The following IL1RAPL2 variants were observed in gnomAD, a reference collection of about 807,000 sequenced individuals.
IL1RAPL2 encodes the protein X-linked interleukin-1 receptor accessory protein-like 2.
A neutral mutation model predicts 44.1 loss-of-function variants in IL1RAPL2; 3 were observed. The observed-to-expected ratio is 0.07, with a 90% CI of 0.03 to 0.18. The LOEUF (loss-of-function observed/expected upper bound fraction) is 0.18, where lower values mean the gene tolerates loss of function less well. Ranked by LOEUF, IL1RAPL2 falls within the 10% of genes least tolerant of loss-of-function variation. The probability of loss-of-function intolerance (pLI) is 1.00; values close to 1 mark genes in which losing one functional copy is unlikely to be tolerated. For missense variants in IL1RAPL2, 391 were observed against 496.4 expected (o/e 0.79, Z 2.02); for synonymous variants, 181 against 178.8 (o/e 1.01, Z -0.10).
intron 2 of IL1RAPL2, among the ~76,000 whole-genome samples, chrX:104,759,970 CT>C (rs1932400239): frequency 1.8e-5 from 2 of 111,917 alleles, no homozygotes; most frequent in African/African-American, 6.5e-5. Context: ...TTCCTTGCTT[CT>C]GGTAACCACC....
chrX:105,182,531 C>T (rs782703865), intron 2 of IL1RAPL2, among the ~76,000 whole-genome samples: 3 of 107,838 alleles, frequency 2.8e-5, no homozygotes, highest in Non-Finnish European at 5.7e-5. Context: ...ATATGTGAAG[C>T]GAGTTTCTTG....
At chrX:104,783,639 T>A (rs1329501845) in intron 2 of IL1RAPL2, among the ~76,000 whole-genome samples, 1 of 109,841 alleles carries the variant, frequency 9.1e-6, no homozygotes, top group Non-Finnish European at 1.9e-5. Flanking sequence ...AATCTGTTTT[T>A]ATTGCTCAAA....
chrX:105,207,151 A>G (rs1468500541), intron 3 of IL1RAPL2, among the ~76,000 whole-genome samples: 2 of 111,338 alleles, frequency 1.8e-5, no homozygotes, highest in Non-Finnish European at 3.8e-5. Context: ...GATGTTTTTC[A>G]GCCAATATCC....
chrX:105,229,797 T>G lies in IL1RAPL2; in HGVS notation c.357-4021T>G, dbSNP rs899541775. Reference sequence around the variant, plus strand: ...CTCCCAGAAGTAAATTTTTTGTTTGTTTGTTTGTTTGTTTTTTTGAGACAG... The same window carrying G: ...CTCCCAGAAGTAAATTTTTTGTTTGGTTGTTTGTTTGTTTTTTTGAGACAG... On this transcript the variant is annotated intron_variant, in intron 3 of 10. Coordinates refer to ENST00000372582, the MANE Select transcript of IL1RAPL2 (RefSeq NM_017416.2). Among the ~76,000 whole-genome samples the G allele has an allele frequency of 3.6e-5, 4 of 110,958 alleles. No homozygotes were observed. In the East Asian group the frequency reaches 1.1e-3, roughly 32 times the overall value.
intron 5 of IL1RAPL2, among the ~76,000 whole-genome samples, chrX:105,470,047 A>T (rs987307836): frequency 1.8e-5 from 2 of 111,431 alleles, no homozygotes; most frequent in African/African-American, 6.5e-5. Flanking sequence ...TTAAAACACC[A>T]AAACAAACAA....
At chrX:105,764,663 G>A (rs1382096163) in intron 10 of IL1RAPL2, among the ~76,000 whole-genome samples, 4 of 111,004 alleles carry the variant, frequency 3.6e-5, no homozygotes, top group South Asian at 3.9e-4. Flanking sequence ...AAAATTAGCC[G>A]AGCATGGTGG....
chrX:104,778,344 C>T (rs1397862648), intron 2 of IL1RAPL2, among the ~76,000 whole-genome samples: 2 of 110,888 alleles, frequency 1.8e-5, no homozygotes, highest in Non-Finnish European at 3.8e-5. Flanking sequence ...GGCTTCCCAT[C>T]GAGCAGATCT....
At chrX:105,080,913 T>C in intron 2 of IL1RAPL2, among the ~76,000 whole-genome samples, 1 of 111,771 alleles carries the variant, frequency 8.9e-6, no homozygotes, top group Non-Finnish European at 1.9e-5. Context: ...TTTGTAGTTC[T>C]CCTTGAAAAG....
At chrX:105,034,924 A>C (rs1454817142) in intron 2 of IL1RAPL2, among the ~76,000 whole-genome samples, 1 of 54,744 alleles carries the variant, frequency 1.8e-5, no homozygotes. Flanking sequence ...TGTTTACCTA[A>C]TCAAGCCTGG....
At chrX:105,278,691 A>G (rs960341617) in intron 5 of IL1RAPL2, among the ~76,000 whole-genome samples, 5 of 112,168 alleles carry the variant, frequency 4.5e-5, no homozygotes, top group Non-Finnish European at 7.5e-5. Flanking sequence ...ATTATTTCCT[A>G]TATTTTATAA....
chrX:105,404,560 A>T (rs2035628741), intron 5 of IL1RAPL2, among the ~76,000 whole-genome samples: 1 of 110,650 alleles, frequency 9.0e-6, no homozygotes, highest in African/African-American at 3.3e-5. Context: ...GACAGGAGGG[A>T]TGAGGCACAT....
At chrX:105,605,642 G>T (rs2037287670) in intron 6 of IL1RAPL2, among the ~76,000 whole-genome samples, 1 of 111,412 alleles carries the variant, frequency 9.0e-6, no homozygotes, top group East Asian at 2.8e-4. Context: ...AATAGCCAAA[G>T]CAATCTTGAA....
chrX:105,733,509 C>T (rs752642755), intron 7 of IL1RAPL2, among the ~76,000 whole-genome samples: 42 of 111,022 alleles, frequency 3.8e-4, no homozygotes, highest in Non-Finnish European at 7.2e-4. Flanking sequence ...TTACTTCTTT[C>T]GTAATTGTTC....
intron 3 of IL1RAPL2, among the ~76,000 whole-genome samples, chrX:105,212,166 G>A (rs782333005): frequency 2.8e-4 from 31 of 112,234 alleles, no homozygotes; most frequent in Non-Finnish European, 4.3e-4. Context: ...AAGTGGTCTC[G>A]CTCAGCAGGT....
At chrX:105,226,984 C>T (rs1556189810) in intron 3 of IL1RAPL2, among the ~76,000 whole-genome samples, 1 of 102,123 alleles carries the variant, frequency 9.8e-6, no homozygotes, top group Admixed American at 1.1e-4. Context: ...TACCAGTGTC[C>T]TGTCAAAGGC....
At chrX:105,598,414 T>C (rs1176284719) in intron 6 of IL1RAPL2, among the ~76,000 whole-genome samples, 2 of 110,527 alleles carry the variant, frequency 1.8e-5, no homozygotes, top group Admixed American at 9.7e-5. Flanking sequence ...TAATAATATA[T>C]TGTATACTGG....
chrX:104,764,399 G>A (rs1272760520), intron 2 of IL1RAPL2, among the ~76,000 whole-genome samples: 1 of 111,692 alleles, frequency 9.0e-6, no homozygotes, highest in Non-Finnish European at 1.9e-5. Context: ...TTTGTATATT[G>A]ATTTTGTATC....
chrX:105,325,242 C>T (rs2034926927), intron 5 of IL1RAPL2, among the ~76,000 whole-genome samples: 1 of 110,533 alleles, frequency 9.0e-6, no homozygotes, highest in Non-Finnish European at 1.9e-5. Flanking sequence ...AATCTCTTTT[C>T]TGTCTCTATA....
intron 2 of IL1RAPL2, among the ~76,000 whole-genome samples, chrX:104,837,673 AG>A (rs1921777274): frequency 9.0e-6 from 1 of 111,684 alleles, no homozygotes; most frequent in Non-Finnish European, 1.9e-5. Flanking sequence ...CCCATTCTGT[AG>A]GTTGCTTGTT....
Sources: gnomAD v4.1 joint callset for allele counts (sites outside exome capture counted in the v4.1 genomes callset) on GRCh38, gnomAD v4.1.1 for gene constraint, MANE v1.5 for transcripts, NCBI Gene and HGNC (gene_info 2026-07-23, HGNC 2026-07-21) for gene names.